Variants in NRCAM observed in about 807,000 individuals in gnomAD.
NRCAM encodes the protein neuronal cell adhesion molecule, also known as NgCAM-related cell adhesion molecule.
NRCAM carries 83 observed loss-of-function variants against 156.5 expected under a neutral mutation model. The ratio of observed to expected loss-of-function variants is 0.53; its 90% CI spans 0.44 to 0.64. NRCAM has a LOEUF of 0.64. Among genes scored for constraint, NRCAM ranks in the 30% least tolerant of loss-of-function variants. The probability of loss-of-function intolerance (pLI) is 0.00; values close to 1 mark genes in which losing one functional copy is unlikely to be tolerated. For missense variants in NRCAM, 1,417 were observed against 1,597.3 expected, an observed-to-expected ratio of 0.89 and a Z score of 1.92; for synonymous variants, 538 against 563.9, an observed-to-expected ratio of 0.95 and a Z score of 0.65.
In NRCAM at chr7:108,437,440, T is replaced by C. The variant is rs184337168; in HGVS notation, c.-332+18803A>G. Among the ~76,000 whole-genome samples the C allele has an allele frequency of 3.9e-5, 6 of 152,334 alleles. No individual in the cohort carries two copies. In the East Asian group the frequency reaches 1.2e-3, roughly 29 times the overall value. On this transcript the variant is annotated intron_variant, in intron 1 of 32. Coordinates refer to ENST00000379028, the MANE Select transcript of NRCAM (RefSeq NM_001037132.4). ...AAATAACTAAAAGAGTATAATTAGATAGTTTGTAACACAAAGGATAAATGC... is the reference window on the plus strand; with the variant it reads ...AAATAACTAAAAGAGTATAATTAGACAGTTTGTAACACAAAGGATAAATGC...
At chr7:108,261,008 T>C (rs940863830) in intron 3 of NRCAM, among the ~76,000 whole-genome samples, 2 of 151,986 alleles carry the variant, frequency 1.3e-5, no homozygotes, top group Non-Finnish European at 2.9e-5. Flanking sequence ...TACTAGGTAC[T>C]AGGTTCCTAA....
chr7:108,252,223 C>T (rs960965017), intron 3 of NRCAM, among the ~76,000 whole-genome samples: 4 of 152,164 alleles, frequency 2.6e-5, no homozygotes, highest in Admixed American at 6.5e-5. Flanking sequence ...AAAGGTCCTG[C>T]TCCTGCGTGG....
At chr7:108,446,980 C>T (rs2284292) in intron 1 of NRCAM, among the ~76,000 whole-genome samples, 92,471 of 151,838 alleles carry the variant, frequency 0.61, 28,617 homozygotes, top group African/African-American at 0.73. Flanking sequence ...TCTGCCCGCC[C>T]AGGCCTCCCA....
intron 3 of NRCAM, among the ~76,000 whole-genome samples, chr7:108,256,385 C>T (rs1276394842): frequency 6.1e-5 from 9 of 148,666 alleles, no homozygotes; most frequent in South Asian, 2.2e-4. Context: ...GGATTAAGGG[C>T]GGTGCAAGAT....
At chr7:108,311,200 C>T (rs941014627) in intron 3 of NRCAM, among the ~76,000 whole-genome samples, 13 of 152,160 alleles carry the variant, frequency 8.5e-5, no homozygotes, top group African/African-American at 3.1e-4. Context: ...AATATATTAT[C>T]TACGAAAGAA....
intron 1 of NRCAM, among the ~76,000 whole-genome samples, chr7:108,412,317 A>G (rs1796402661): frequency 6.6e-6 from 1 of 152,058 alleles, no homozygotes; most frequent in African/African-American, 2.4e-5. Flanking sequence ...TCTGAAATCT[A>G]CACCCAAACC....
intron 2 of NRCAM, among the ~76,000 whole-genome samples, chr7:108,340,310 C>G (rs2099261594): frequency 6.6e-6 from 1 of 152,200 alleles, no homozygotes; most frequent in Non-Finnish European, 1.5e-5. Flanking sequence ...AGTGCATGTA[C>G]CTTTTTCTCT....
intron 2 of NRCAM, among the ~76,000 whole-genome samples, chr7:108,344,733 T>C (rs1327986260): frequency 6.6e-6 from 1 of 152,204 alleles, no homozygotes; most frequent in African/African-American, 2.4e-5. Flanking sequence ...TTAGGAGCTA[T>C]TGGGTATAGA....
chr7:108,187,810 C>T (rs2068025277), intron 20 of NRCAM, among the ~76,000 whole-genome samples: 1 of 151,988 alleles, frequency 6.6e-6, no homozygotes, highest in Non-Finnish European at 1.5e-5. Flanking sequence ...AAAAAAGTAG[C>T]CGGGTGTGGT....
chr7:108,385,689 G>A (rs1157285183), intron 2 of NRCAM, among the ~76,000 whole-genome samples: 4 of 152,136 alleles, frequency 2.6e-5, no homozygotes. Flanking sequence ...ACCAGGGTAA[G>A]GACTGTATAC....
rs1586635562 is a variant in NRCAM, at chr7:108,178,303, G to C, written c.2852-191C>G. On this transcript the variant is annotated intron_variant, in intron 25 of 32. Transcript: ENST00000379028. ...GTTATTCTCTTCCTTTTTCTCTCTT[G>C]TCATTTACATTTATATTTAATAAAA... 3.1e-4 allele frequency: 168 copies of C among 545,244 alleles called. 1 individual carries two copies. The East Asian group carries it at 5.5e-3, about 18-fold the overall frequency. The allele number at this position is 545,244 out of a possible 1,614,324, so 33.8% of individuals were successfully genotyped here.
intron 3 of NRCAM, among the ~76,000 whole-genome samples, chr7:108,255,483 G>C (rs1342282012): frequency 2.0e-5 from 3 of 152,150 alleles, no homozygotes; most frequent in African/African-American, 7.2e-5. Context: ...TGTTGCCCAG[G>C]CTGGAGTGCA....
chr7:108,381,335 C>T (rs954930665), intron 2 of NRCAM, among the ~76,000 whole-genome samples: 4 of 152,066 alleles, frequency 2.6e-5, no homozygotes, highest in Admixed American at 2.6e-4. Flanking sequence ...TTGCCCACAG[C>T]TTTTTTATTT....
At chr7:108,155,635 A>G (rs2044895935) in intron 32 of NRCAM, among the ~76,000 whole-genome samples, 1 of 151,876 alleles carries the variant, frequency 6.6e-6, no homozygotes, top group Admixed American at 6.6e-5. Flanking sequence ...TTGTTCTTTT[A>G]CTTCCCTGCA....
At chr7:108,438,478 C>T (rs1049363555) in intron 1 of NRCAM, among the ~76,000 whole-genome samples, 1 of 152,032 alleles carries the variant, frequency 6.6e-6, no homozygotes, top group African/African-American at 2.4e-5. Context: ...AAAATCTCAA[C>T]AAGCTAGAAT....
At chr7:108,261,048 G>A (rs1313306304) in intron 3 of NRCAM, among the ~76,000 whole-genome samples, 1 of 152,120 alleles carries the variant, frequency 6.6e-6, no homozygotes, top group Non-Finnish European at 1.5e-5. Context: ...GGAAGTGAAT[G>A]TGGGGACATG....
rs185487327 is a variant in NRCAM at position 108,206,865 on chromosome 7, C to T, written c.1207+663G>A. ...TAATGAAGTGGAAGGAGTGGAGCAT[C>T]GGAGCAGGGAGGCTGCTGAACGGGG... On this transcript the variant is annotated intron_variant, in intron 13 of 32. Coordinates refer to ENST00000379028, the MANE Select transcript of NRCAM (RefSeq NM_001037132.4). Among the ~76,000 whole-genome samples, 342 of 152,202 alleles carry T rather than the reference C, an allele frequency of 2.2e-3. 3 individuals carry two copies. Among genetic ancestry groups the T allele is most frequent in the African/African-American group, 7.0e-3 (290 of 41,534 alleles).
In NRCAM at chr7:108,225,785, G is replaced by A. The variant is rs1458400648; in HGVS notation, c.722-84C>T. 4.8e-6 allele frequency: 4 copies of A among 831,974 alleles called. No individual in the cohort carries two copies. The African/African-American group carries it at 6.7e-5, about 14-fold the overall frequency. The allele number at this position is 831,974 out of a possible 1,614,324, so 51.5% of individuals were successfully genotyped here. On this transcript the variant is annotated intron_variant, in intron 9 of 32. Transcript: ENST00000379028. ...TATTGGGCAATAAAAGCAAACATATGCAGCTATCCTGACCGAGTGCTGTTC... is the reference window on the plus strand; with the variant it reads ...TATTGGGCAATAAAAGCAAACATATACAGCTATCCTGACCGAGTGCTGTTC...
At chr7:108,168,141 T>C (rs2056023067) in intron 29 of NRCAM, 136 bp downstream of exon 29, 3 of 947,900 alleles carry the variant, frequency 3.2e-6, no homozygotes, top group Non-Finnish European at 4.3e-6. Flanking sequence ...CACTATAATT[T>C]TTTTAGATAA....
Sources: gnomAD v4.1 joint callset for allele counts (sites outside exome capture counted in the v4.1 genomes callset) on GRCh38, gnomAD v4.1.1 for gene constraint, MANE v1.5 for transcripts, NCBI Gene and HGNC (gene_info 2026-07-23, HGNC 2026-07-21) for gene names.